The following EPHA6 variants were observed in gnomAD, a reference collection of about 807,000 sequenced individuals.
EPHA6 encodes EPH receptor A6.
EPHA6 carries 50 observed loss-of-function variants against 112.0 expected under a neutral mutation model. That is an observed-to-expected ratio of 0.45 (90% CI 0.36 to 0.56). The LOEUF is 0.56. Ranked by LOEUF, EPHA6 falls within the 20% of genes least tolerant of loss-of-function variation. The pLI, the probability that EPHA6 is intolerant of heterozygous loss-of-function variation, is 0.00. For synonymous variants in EPHA6, 529 were observed against 490.7 expected, an observed-to-expected ratio of 1.08 and a Z score of -1.03; for missense variants, 1,280 against 1,417.4, an observed-to-expected ratio of 0.90 and a Z score of 1.56.
chr3:97,140,386 A>G (rs1207736561), intron 3 of EPHA6, among the ~76,000 whole-genome samples: 1 of 152,164 alleles, frequency 6.6e-6, no homozygotes, highest in Non-Finnish European at 1.5e-5. Context: ...GCATACGGTT[A>G]TCAGACTATC....
chr3:96,878,635 C>A (rs1378374463), intron 2 of EPHA6, among the ~76,000 whole-genome samples: 1 of 151,946 alleles, frequency 6.6e-6, no homozygotes, highest in Non-Finnish European at 1.5e-5. Context: ...CTATTATGAG[C>A]TAATGTCATT....
intron 3 of EPHA6, among the ~76,000 whole-genome samples, chr3:97,028,438 T>G (rs1368823063): frequency 1.3e-5 from 2 of 152,134 alleles, no homozygotes; most frequent in Non-Finnish European, 2.9e-5. Context: ...ATAGGTGGTA[T>G]GATCACTATG....
Position 97,749,327 on chromosome 3 carries a change from T to C in EPHA6, c.*626T>C, listed in dbSNP as rs1045850610. 2.3e-5 allele frequency: 5 copies of C among 213,656 alleles called. No homozygotes were observed. The highest frequency in any genetic ancestry group is 4.7e-5 in the Non-Finnish European group (5 of 105,776). The allele number at this position is 213,656 out of a possible 1,614,324, so 13.2% of individuals were successfully genotyped here. A position where few individuals can be genotyped will look rare whatever the true frequency, so the allele number is the denominator to read the frequency against. ...TAGGGAGGGAGAAAAAAATACTGTG[T>C]TTATAAATCTTCTGAGGCTGGGTTT... On this transcript the variant is annotated 3_prime_UTR_variant, in exon 18 of 18. Transcript: ENST00000389672.
At chr3:97,699,699 T>C (rs893741548) in intron 14 of EPHA6, among the ~76,000 whole-genome samples, 2 of 152,166 alleles carry the variant, frequency 1.3e-5, no homozygotes, top group East Asian at 3.8e-4. Flanking sequence ...AGCAAGAATA[T>C]AAGGCCTGTA....
At chr3:97,483,164 C>T (rs897718875) in intron 9 of EPHA6, among the ~76,000 whole-genome samples, 7 of 152,182 alleles carry the variant, frequency 4.6e-5, no homozygotes, top group South Asian at 2.1e-4. Context: ...ATGACTTCTT[C>T]GGATACTCAC....
chr3:97,261,085 T>C (rs2079485020), intron 5 of EPHA6, among the ~76,000 whole-genome samples: 2 of 152,196 alleles, frequency 1.3e-5, no homozygotes, highest in Admixed American at 6.5e-5. Context: ...CATAAAGCTG[T>C]GTTTTACCTA....
Position 97,736,016 on chromosome 3 carries a change from A to G in EPHA6, c.3026A>G (p.Lys1009Arg). ...CAGCTGATGCTCCACTGCTGGCAGAAGGAGAGAAATCACAGACCAAAATTT... is the reference window on the plus strand; with the variant it reads ...CAGCTGATGCTCCACTGCTGGCAGAGGGAGAGAAATCACAGACCAAAATTT... ...LHQLMLHCWQ[K>R]ERNHRPKFTD... The change falls in exon 16 of 18, where the codon AAG (lysine) becomes AGG (arginine). Residue 1009 changes from lysine (K) to arginine (R), a missense_variant. Around this residue, in one of 4 missense-constraint regions of EPHA6, gnomAD observed 145 missense variants for 153.3 expected, o/e 0.95. Coordinates refer to ENST00000389672, the MANE Select transcript of EPHA6 (RefSeq NM_001080448.3). The G allele has an allele frequency of 6.2e-7, 1 of 1,612,706 alleles. No individual in the cohort carries two copies. Among genetic ancestry groups the G allele is most frequent in the Non-Finnish European group, 8.5e-7 (1 of 1,179,188 alleles).
intron 7 of EPHA6, among the ~76,000 whole-genome samples, chr3:97,456,093 T>C (rs1406820704): frequency 6.6e-6 from 1 of 152,102 alleles, no homozygotes; most frequent in South Asian, 2.1e-4. Flanking sequence ...AAAAGAAAAG[T>C]AACAACAGTA....
At chr3:97,241,426 G>C (rs1417800097) in intron 4 of EPHA6, among the ~76,000 whole-genome samples, 1 of 151,714 alleles carries the variant, frequency 6.6e-6, no homozygotes, top group African/African-American at 2.4e-5. Context: ...TTTCAATACA[G>C]ATGTCTCCAA....
At chr3:97,584,929 T>A (rs2093474537) in intron 11 of EPHA6, among the ~76,000 whole-genome samples, 1 of 152,242 alleles carries the variant, frequency 6.6e-6, no homozygotes, top group Non-Finnish European at 1.5e-5. Context: ...TTATCCAAGA[T>A]TAATCAGTTA....
At chr3:96,883,362 G>A (rs2037433630) in intron 2 of EPHA6, among the ~76,000 whole-genome samples, 1 of 152,164 alleles carries the variant, frequency 6.6e-6, no homozygotes, top group Admixed American at 6.5e-5. Flanking sequence ...CTTCCAGTCT[G>A]TAGGTTGTTT....
chr3:96,937,883 A>G (rs185127539), intron 2 of EPHA6, among the ~76,000 whole-genome samples: 4,729 of 151,920 alleles, frequency 0.031, 99 homozygotes, highest in Middle Eastern at 0.065. Context: ...CCCATTGCTT[A>G]TTTTTGTCAG....
At chr3:97,426,340 G>A (rs1212436540) in intron 6 of EPHA6, among the ~76,000 whole-genome samples, 1 of 152,164 alleles carries the variant, frequency 6.6e-6, no homozygotes, top group Admixed American at 6.5e-5. Flanking sequence ...GCAAGCATGT[G>A]CAGGGGAACT....
chr3:96,997,901 G>T (rs1002998825), intron 3 of EPHA6, among the ~76,000 whole-genome samples: 1 of 151,974 alleles, frequency 6.6e-6, no homozygotes, highest in South Asian at 2.1e-4. Context: ...TGCAATATCT[G>T]CAAATTGCAA....
At chr3:97,281,873 A>C (rs1385074338) in intron 5 of EPHA6, among the ~76,000 whole-genome samples, 1 of 152,152 alleles carries the variant, frequency 6.6e-6, no homozygotes, top group African/African-American at 2.4e-5. Flanking sequence ...ATTTTTTTAC[A>C]GTGTGTGTAA....
intron 5 of EPHA6, among the ~76,000 whole-genome samples, chr3:97,291,417 A>G (rs74460152): frequency 0.036 from 5,527 of 152,254 alleles, 299 homozygotes; most frequent in African/African-American, 0.12. Flanking sequence ...ATTTTCTGTC[A>G]ATATGATCTG....
intron 2 of EPHA6, among the ~76,000 whole-genome samples, chr3:96,939,304 G>A (rs1264414104): frequency 6.6e-6 from 1 of 152,186 alleles, no homozygotes; most frequent in Non-Finnish European, 1.5e-5. Flanking sequence ...GGTCTATTCA[G>A]ACATTCAGCT....
Position 97,624,413 on chromosome 3 carries a change from A to T in EPHA6, c.2575-13460A>T, listed in dbSNP as rs984623. ...TTTGAATTAATTCAATTTGGCCATG[A>T]TGTATAATACTTTTAACATGCTGCT... On this transcript the variant is annotated intron_variant, in intron 13 of 17. Coordinates refer to ENST00000389672, the MANE Select transcript of EPHA6 (RefSeq NM_001080448.3). Among the ~76,000 whole-genome samples the T allele has an allele frequency of 8.6e-4, 130 of 151,444 alleles. 1 individual carries two copies. The highest frequency in any genetic ancestry group is 2.5e-3 in the African/African-American group (105 of 41,346).
intron 3 of EPHA6, among the ~76,000 whole-genome samples, chr3:97,153,405 A>C (rs1334696264): frequency 1.3e-5 from 2 of 152,146 alleles, no homozygotes; most frequent in Admixed American, 1.3e-4. Flanking sequence ...TCATCATTCA[A>C]CCTTGTATTT....
Sources: allele counts gnomAD v4.1 joint callset (sites outside exome capture counted in the v4.1 genomes callset), GRCh38; gene constraint gnomAD v4.1.1; regional missense constraint gnomAD v4.1.1; transcripts MANE v1.5; gene names NCBI Gene and HGNC (gene_info 2026-07-23, HGNC 2026-07-21).